The following PDZD2 variants were observed in gnomAD, a reference collection of about 807,000 sequenced individuals.
PDZD2 encodes the protein PDZ domain containing 2.
In PDZD2, 90 loss-of-function variants were observed where a neutral mutation model predicts 220.7. That is an observed-to-expected ratio of 0.41 (90% CI 0.34 to 0.49). PDZD2 has a LOEUF of 0.49. Ranked by LOEUF, PDZD2 falls within the 20% of genes least tolerant of loss-of-function variation. The pLI is 0.28. For synonymous variants in PDZD2, 1,375 were observed against 1,450.5 expected (o/e 0.95, Z 1.18); for missense variants, 3,174 against 3,608.5 (o/e 0.88, Z 3.08).
chr5:31,824,623 G>A (rs993146956), intron 2 of PDZD2, among the ~76,000 whole-genome samples: 4 of 151,672 alleles, frequency 2.6e-5, no homozygotes, highest in Non-Finnish European at 4.4e-5. Flanking sequence ...GTTCACGGCC[G>A]TGTGTGAGAT....
At chr5:31,874,036 T>G (rs572257931) in intron 2 of PDZD2, among the ~76,000 whole-genome samples, 43 of 152,282 alleles carry the variant, frequency 2.8e-4, no homozygotes, top group African/African-American at 1.0e-3. Context: ...GTGCAGTCTT[T>G]GAGTCTTAAT....
chr5:32,040,023 A>C (rs1265565326), intron 7 of PDZD2, among the ~76,000 whole-genome samples: 39 of 91,188 alleles, frequency 4.3e-4, no homozygotes, highest in Admixed American at 8.7e-4. Flanking sequence ...CTGGCCGCCC[A>C]GTCTAGGAGG....
intron 1 of PDZD2, among the ~76,000 whole-genome samples, chr5:31,681,946 C>T (rs905161075): frequency 1.3e-5 from 2 of 152,166 alleles, no homozygotes; most frequent in African/African-American, 4.8e-5. Context: ...ATTGTAGTGG[C>T]ATAGCTTAGA....
intron 7 of PDZD2, among the ~76,000 whole-genome samples, chr5:32,043,009 G>GGA: frequency 6.6e-6 from 1 of 152,262 alleles, no homozygotes; most frequent in South Asian, 2.1e-4. Flanking sequence ...GTCAATGCCG[G>GGA]GAAAAAGATC....
Position 32,054,567 on chromosome 5 carries a change from C to T in PDZD2, c.1900+684C>T, listed in dbSNP as rs1462149179. 2.0e-5 allele frequency among the ~76,000 whole-genome samples: 3 copies of T among 151,922 alleles called. 1 individual carries two copies. The highest frequency in any genetic ancestry group is 4.8e-5 in the African/African-American group (2 of 41,452). ...CTCAAACACCTGGGTTCAAGTGATT[C>T]GCCCACCTCAACCTCACAAAGTGCT... On this transcript the variant is annotated intron_variant, in intron 10 of 24. Coordinates refer to ENST00000438447, the MANE Select transcript of PDZD2 (RefSeq NM_178140.4).
intron 4 of PDZD2, among the ~76,000 whole-genome samples, chr5:31,999,655 G>A (rs1751943623): frequency 1.3e-5 from 2 of 152,204 alleles, no homozygotes; most frequent in Admixed American, 1.3e-4. Context: ...GTGCCCCAGA[G>A]GACATCTGGT....
intron 2 of PDZD2, among the ~76,000 whole-genome samples, chr5:31,875,597 A>AAT (rs1226762142): frequency 5.0e-4 from 71 of 141,406 alleles, no homozygotes; most frequent in South Asian, 2.4e-3. Context: ...AAAAAAAAAA[A>AAT]ATATATATAT....
chr5:31,703,047 C>A (rs994750263), intron 1 of PDZD2, among the ~76,000 whole-genome samples: 2 of 152,232 alleles, frequency 1.3e-5, no homozygotes, highest in Non-Finnish European at 2.9e-5. Flanking sequence ...GACCACTGGT[C>A]ACCAGCTGGT....
rs767939152 is a variant in PDZD2, at chr5:31,983,573, G to A, written c.895G>A (p.Ala299Thr). Residue 299 changes from alanine to threonine, a missense_variant, in exon 3 of 25, where the codon GCT becomes ACT. This residue lies in a region of PDZD2 where 632 missense variants were observed against 708.1 expected (regional missense o/e 0.89). Coordinates refer to ENST00000438447, the MANE Select transcript of PDZD2 (RefSeq NM_178140.4). ...AGAGCATAGAATTCCAAAGACAGAT[G>A]CTCCTCTGACCACAAGCAATGACAA... ...GTEHRIPKTD[A>T]PLTTSNDKRR... is the part of the protein sequence containing the mutation. 1.9e-6 allele frequency: 3 copies of A among 1,614,168 alleles called. No homozygotes were observed. The Admixed American group carries it at 5.0e-5, about 27-fold the overall frequency.
intron 1 of PDZD2, among the ~76,000 whole-genome samples, chr5:31,642,374 A>G (rs1744981096): frequency 6.6e-6 from 1 of 152,152 alleles, no homozygotes; most frequent in Non-Finnish European, 1.5e-5. Context: ...AGACAAGTGG[A>G]GAGGCAGGGA....
chr5:31,788,958 C>T (rs1167900669), intron 1 of PDZD2, among the ~76,000 whole-genome samples: 4 of 152,160 alleles, frequency 2.6e-5, no homozygotes, highest in Non-Finnish European at 5.9e-5. Flanking sequence ...AGTTGAAGGA[C>T]TCAGGATTAT....
intron 19 of PDZD2, among the ~76,000 whole-genome samples, chr5:32,081,472 G>A (rs1741945517): frequency 6.6e-6 from 1 of 152,210 alleles, no homozygotes; most frequent in Non-Finnish European, 1.5e-5. Flanking sequence ...TCGAGTTGCA[G>A]TGACACACTG....
intron 3 of PDZD2, among the ~76,000 whole-genome samples, chr5:31,994,120 C>T (rs186122576): frequency 6.6e-6 from 1 of 151,968 alleles, no homozygotes; most frequent in East Asian, 1.9e-4. Context: ...TGGGTTCAAG[C>T]GATTCTCCTG....
In PDZD2 at chr5:32,037,283, G is replaced by A; in HGVS notation, c.1460G>A (p.Gly487Glu). The A allele has an allele frequency of 6.2e-7, 1 of 1,613,844 alleles. No individual in the cohort carries two copies. The highest frequency in any genetic ancestry group is 2.2e-5 in the East Asian group (1 of 44,878). Residue 487 changes from glycine (G) to glutamate (E), a missense_variant, in exon 7 of 25, where the codon GGG (glycine) becomes GAG (glutamate). Gly to Glu is a moderately conservative substitution (Grantham distance 98, BLOSUM62 -2). This residue lies in a region of PDZD2 where 632 missense variants were observed against 708.1 expected (regional missense o/e 0.89). Coordinates refer to ENST00000438447, the MANE Select transcript of PDZD2 (RefSeq NM_178140.4). ...QDVCGAEESK[G>E]NLESPKQGSN... ...GTGTGCGGTGCTGAGGAATCCAAGG[G>A]GAACTTGGAAAGTCCCAAACAGGGC...
intron 1 of PDZD2, among the ~76,000 whole-genome samples, chr5:31,699,249 C>G (rs1747511244): frequency 6.6e-6 from 1 of 152,028 alleles, no homozygotes. Flanking sequence ...GCATCTAAAT[C>G]AGAAAAATCT....
intron 1 of PDZD2, among the ~76,000 whole-genome samples, chr5:31,700,545 G>T (rs1580585966): frequency 6.6e-6 from 1 of 152,180 alleles, no homozygotes; most frequent in Non-Finnish European, 1.5e-5. Context: ...TTCAGGCCAG[G>T]GTTGCCGCAT....
intron 2 of PDZD2, among the ~76,000 whole-genome samples, chr5:31,886,951 G>A (rs559633277): frequency 8.7e-4 from 132 of 152,090 alleles, no homozygotes; most frequent in Non-Finnish European, 1.6e-3. Context: ...CGCCTGCCTC[G>A]GCCTCCTGAA....
chr5:31,898,711 T>A (rs1216440549), intron 2 of PDZD2, among the ~76,000 whole-genome samples: 1 of 151,816 alleles, frequency 6.6e-6, no homozygotes, highest in Non-Finnish European at 1.5e-5. Context: ...CTTTCCTAGC[T>A]CTGGGGGGCA....
At chr5:31,959,528 T>A (rs962617182) in intron 2 of PDZD2, among the ~76,000 whole-genome samples, 3 of 151,858 alleles carry the variant, frequency 2.0e-5, no homozygotes, top group Non-Finnish European at 4.4e-5. Flanking sequence ...CCAGTTAATT[T>A]TTGTATTTTT....
Sources: allele counts gnomAD v4.1 joint callset (sites outside exome capture counted in the v4.1 genomes callset), GRCh38; gene constraint gnomAD v4.1.1; regional missense constraint gnomAD v4.1.1; transcripts MANE v1.5; gene names NCBI Gene and HGNC (gene_info 2026-07-23, HGNC 2026-07-21).